CAMTA1: variants seen among roughly 807,000 people sequenced by gnomAD.
CAMTA1 encodes the protein calmodulin binding transcription activator 1.
A neutral mutation model predicts 170.9 loss-of-function variants in CAMTA1; 27 were observed. The observed-to-expected ratio is 0.16, with a 90% CI of 0.12 to 0.22. The LOEUF (loss-of-function observed/expected upper bound fraction) is 0.22, where lower values mean the gene tolerates loss of function less well. Ranked by LOEUF, CAMTA1 falls within the 10% of genes least tolerant of loss-of-function variation. The pLI, the probability that CAMTA1 is intolerant of heterozygous loss-of-function variation, is 1.00. For synonymous variants in CAMTA1, 833 were observed against 891.5 expected (o/e 0.93, Z 1.17); for missense variants, 1,619 against 2,217.2 (o/e 0.73, Z 5.42).
intron 4 of CAMTA1, among the ~76,000 whole-genome samples, chr1:7,221,210 C>T (rs1300285424): frequency 6.6e-6 from 1 of 151,534 alleles, no homozygotes; most frequent in Non-Finnish European, 1.5e-5. Flanking sequence ...GGCCTTTTCC[C>T]CAGAGCCTTA....
intron 5 of CAMTA1, among the ~76,000 whole-genome samples, chr1:7,337,762 C>T (rs2083493365): frequency 6.6e-6 from 1 of 152,130 alleles, no homozygotes; most frequent in Admixed American, 6.5e-5. Context: ...CGAGGTTTCC[C>T]TAAGAAAAAG....
intron 5 of CAMTA1, among the ~76,000 whole-genome samples, chr1:7,310,629 T>C (rs948434517): frequency 1.4e-4 from 1 of 7,314 alleles, no homozygotes; most frequent in Non-Finnish European, 2.7e-4. Context: ...TCTTTCTTTC[T>C]TTCTTTCTTT....
chr1:7,701,599 T>A (rs1163493487), intron 11 of CAMTA1, among the ~76,000 whole-genome samples: 1 of 151,768 alleles, frequency 6.6e-6, no homozygotes, highest in Non-Finnish European at 1.5e-5. Flanking sequence ...TTAAAAAAAA[T>A]TGTAGAGAGG....
intron 6 of CAMTA1, among the ~76,000 whole-genome samples, chr1:7,578,966 C>T (rs370607700): frequency 6.6e-5 from 10 of 152,174 alleles, no homozygotes; most frequent in Non-Finnish European, 1.2e-4. Context: ...ATACCATCCC[C>T]GTGGGAGGCT....
Position 7,398,185 on chromosome 1 carries a change from CTCTCTCTCTATATATATATATATA to C in CAMTA1, c.439-69643_439-69620del, listed in dbSNP as rs1476335760. Among the ~76,000 whole-genome samples, 339 of 46,492 alleles carry C rather than the reference CTCTCTCTCTATATATATATATATA, an allele frequency of 7.3e-3. 1 individual carries two copies. Among genetic ancestry groups the C allele is most frequent in the African/African-American group, 0.013 (144 of 11,442 alleles). 30.5% of individuals were successfully genotyped at this position (46,492 alleles called of 152,430 possible). ...TCTCTCTCTCTCTCTCTCTCTCTCTCTCTCTCTCTATATATATATATATATATATATATATATATATATATATAT... is the reference window on the plus strand; with the variant it reads ...TCTCTCTCTCTCTCTCTCTCTCTCTCTATATATATATATATATATATATAT... On this transcript the variant is annotated intron_variant, in intron 5 of 22. Coordinates refer to ENST00000303635, the MANE Select transcript of CAMTA1 (RefSeq NM_015215.4).
chr1:7,417,129 C>T (rs1380877246), intron 5 of CAMTA1, among the ~76,000 whole-genome samples: 1 of 152,236 alleles, frequency 6.6e-6, no homozygotes, highest in Non-Finnish European at 1.5e-5. Context: ...CTGATCGTTC[C>T]TCTGGAAGTT....
intron 3 of CAMTA1, among the ~76,000 whole-genome samples, chr1:7,088,940 C>T (rs1641106684): frequency 6.6e-6 from 1 of 152,234 alleles, no homozygotes; most frequent in Admixed American, 6.5e-5. Flanking sequence ...AAACCAACAA[C>T]TCTGAACGGT....
chr1:7,268,276 A>C (rs1669219642), intron 5 of CAMTA1, among the ~76,000 whole-genome samples: 1 of 151,988 alleles, frequency 6.6e-6, no homozygotes, highest in Non-Finnish European at 1.5e-5. Context: ...AGGGGGGGTC[A>C]GCAGAGAAAG....
intron 3 of CAMTA1, among the ~76,000 whole-genome samples, chr1:7,076,264 T>A (rs1558061574): frequency 6.6e-6 from 1 of 152,214 alleles, no homozygotes; most frequent in East Asian, 1.9e-4. Context: ...AAAAAAAATT[T>A]AGTCCTCCTC....
chr1:7,151,961 G>A (rs1016399239), intron 4 of CAMTA1, among the ~76,000 whole-genome samples: 4 of 151,990 alleles, frequency 2.6e-5, no homozygotes, highest in Non-Finnish European at 5.9e-5. Context: ...TATAATATAG[G>A]AATTATTTCT....
chr1:6,889,788 G>A (rs1009707433), intron 3 of CAMTA1, among the ~76,000 whole-genome samples: 2 of 152,172 alleles, frequency 1.3e-5, no homozygotes, highest in African/African-American at 2.4e-5. Context: ...AGATGCAGGA[G>A]CACATGCATC....
At chr1:7,491,481 C>T (rs2093702238) in intron 6 of CAMTA1, among the ~76,000 whole-genome samples, 1 of 152,234 alleles carries the variant, frequency 6.6e-6, no homozygotes, top group African/African-American at 2.4e-5. Flanking sequence ...TCTGCGTGTA[C>T]TGCCGATTGT....
intron 5 of CAMTA1, among the ~76,000 whole-genome samples, chr1:7,351,184 G>GAGAGCATCC (rs2084641130): frequency 6.6e-6 from 1 of 152,268 alleles, no homozygotes; most frequent in African/African-American, 2.4e-5. Context: ...TTTTCTCAGG[G>GAGAGCATCC]AGAGCATCCA....
At chr1:7,351,625 T>C (rs1036630514) in intron 5 of CAMTA1, among the ~76,000 whole-genome samples, 4 of 152,280 alleles carry the variant, frequency 2.6e-5, no homozygotes, top group African/African-American at 9.6e-5. Context: ...GTGATGGACT[T>C]GGACATGGAG....
chr1:7,598,520 T>C (rs1212578979), intron 6 of CAMTA1, among the ~76,000 whole-genome samples: 3 of 152,172 alleles, frequency 2.0e-5, no homozygotes, highest in Admixed American at 2.0e-4. Context: ...CACTGACTTC[T>C]ACAATGGTTG....
intron 3 of CAMTA1, among the ~76,000 whole-genome samples, chr1:6,959,837 C>G (rs980826820): frequency 6.6e-6 from 1 of 152,150 alleles, no homozygotes; most frequent in Non-Finnish European, 1.5e-5. Context: ...TTCTGCAGCA[C>G]CCCTTCTGCA....
chr1:7,289,734 C>T (rs543593481), intron 5 of CAMTA1, among the ~76,000 whole-genome samples: 1 of 152,240 alleles, frequency 6.6e-6, no homozygotes, highest in South Asian at 2.1e-4. Context: ...CACACAGACT[C>T]AGGGCAGGCA....
intron 3 of CAMTA1, among the ~76,000 whole-genome samples, chr1:7,079,845 C>T (rs1639784579): frequency 6.6e-6 from 1 of 152,156 alleles, no homozygotes; most frequent in Non-Finnish European, 1.5e-5. Flanking sequence ...TTTTTGCAGA[C>T]TTCTCATCAG....
At chr1:7,272,641 TG>T (rs1222422886) in intron 5 of CAMTA1, among the ~76,000 whole-genome samples, 4 of 119,518 alleles carry the variant, frequency 3.3e-5, no homozygotes, top group African/African-American at 1.3e-4. Flanking sequence ...AATTTAATCA[TG>T]ATAGAATAGT....
Sources: gnomAD v4.1 joint callset for allele counts (sites outside exome capture counted in the v4.1 genomes callset) on GRCh38, gnomAD v4.1.1 for gene constraint, MANE v1.5 for transcripts, NCBI Gene and HGNC (gene_info 2026-07-23, HGNC 2026-07-21) for gene names.